The following CAMKMT variants were observed in gnomAD, a reference collection of about 807,000 sequenced individuals.
CAMKMT encodes the protein CaM KMT.
A neutral mutation model predicts 48.0 loss-of-function variants in CAMKMT; 53 were observed. The ratio of observed to expected loss-of-function variants is 1.10; its 90% CI spans 0.89 to 1.39. The LOEUF (loss-of-function observed/expected upper bound fraction) is 1.39, where lower values mean the gene tolerates loss of function less well. Among genes scored for constraint, CAMKMT ranks in the 40% most tolerant of loss-of-function variants. CAMKMT has a pLI of 0.00. For synonymous variants in CAMKMT, 165 were observed against 152.3 expected (o/e 1.08, Z -0.61); for missense variants, 428 against 402.7 (o/e 1.06, Z -0.54).
At chr2:44,698,577 T>C (rs946048357) in intron 3 of CAMKMT, among the ~76,000 whole-genome samples, 2 of 152,234 alleles carry the variant, frequency 1.3e-5, no homozygotes, top group African/African-American at 4.8e-5. Flanking sequence ...ACTTTATTGC[T>C]AAAAAATACT....
intron 3 of CAMKMT, among the ~76,000 whole-genome samples, chr2:44,545,515 A>C (rs17032347): frequency 6.6e-6 from 1 of 151,998 alleles, no homozygotes; most frequent in Non-Finnish European, 1.5e-5. Context: ...CCTTTCTCAG[A>C]GCTAGTACAC....
intron 3 of CAMKMT, among the ~76,000 whole-genome samples, chr2:44,448,916 A>G (rs1006802239): frequency 1.3e-5 from 2 of 152,230 alleles, no homozygotes; most frequent in Admixed American, 6.5e-5. Context: ...GATAGCATTT[A>G]TATGAACGGT....
chr2:44,630,433 A>C (rs375877514), intron 3 of CAMKMT, among the ~76,000 whole-genome samples: 1 of 150,104 alleles, frequency 6.7e-6, no homozygotes, highest in African/African-American at 2.4e-5. Flanking sequence ...GCACAGCAAA[A>C]GAAACTACCA....
chr2:44,405,344 A>G (rs1430357990), intron 3 of CAMKMT, among the ~76,000 whole-genome samples: 2 of 152,116 alleles, frequency 1.3e-5, no homozygotes, highest in Non-Finnish European at 2.9e-5. Flanking sequence ...TAGTGTGTCC[A>G]TACAATATTA....
intron 3 of CAMKMT, among the ~76,000 whole-genome samples, chr2:44,641,297 C>T (rs1189149616): frequency 6.6e-5 from 10 of 152,058 alleles, no homozygotes; most frequent in African/African-American, 2.4e-4. Flanking sequence ...TTCTAATGTA[C>T]ATCTTTTTAA....
At chr2:44,756,469 C>G (rs1270951497) in intron 9 of CAMKMT, among the ~76,000 whole-genome samples, 1 of 152,040 alleles carries the variant, frequency 6.6e-6, no homozygotes, top group Non-Finnish European at 1.5e-5. Flanking sequence ...TGGCCGGGCA[C>G]AGTGGCTCAC....
chr2:44,505,525 C>A (rs1269962797), intron 3 of CAMKMT, among the ~76,000 whole-genome samples: 1 of 152,158 alleles, frequency 6.6e-6, no homozygotes, highest in African/African-American at 2.4e-5. Flanking sequence ...TTATGTTTTA[C>A]ATTAAGTCTG....
intron 1 of CAMKMT, among the ~76,000 whole-genome samples, chr2:44,371,634 TA>T (rs1312153287): frequency 2.0e-5 from 3 of 152,238 alleles, no homozygotes; most frequent in Non-Finnish European, 4.4e-5. Flanking sequence ...CAGGTACTGA[TA>T]AGCTTCAACA....
At chr2:44,472,973 G>T (rs1668500846) in intron 3 of CAMKMT, among the ~76,000 whole-genome samples, 1 of 152,142 alleles carries the variant, frequency 6.6e-6, no homozygotes, top group Admixed American at 6.5e-5. Flanking sequence ...CCAGCGTGAG[G>T]AATAAACCGG....
At chr2:44,690,847 G>A (rs1372508159) in intron 3 of CAMKMT, among the ~76,000 whole-genome samples, 5 of 151,960 alleles carry the variant, frequency 3.3e-5, no homozygotes, top group African/African-American at 1.2e-4. Flanking sequence ...GTGGTGGTGT[G>A]TGCCTGTAAT....
chr2:44,548,211 G>A (rs542366853), intron 3 of CAMKMT, among the ~76,000 whole-genome samples: 9 of 152,114 alleles, frequency 5.9e-5, no homozygotes, highest in East Asian at 1.9e-4. Context: ...CAACCAGCTC[G>A]AAGTCCCCTC....
intron 3 of CAMKMT, among the ~76,000 whole-genome samples, chr2:44,594,894 A>G (rs927524817): frequency 7.2e-5 from 11 of 152,202 alleles, no homozygotes; most frequent in Admixed American, 3.9e-4. Flanking sequence ...AATGGGAGAA[A>G]ACTTTTGCAA....
At position 44,445,645 on chromosome 2, in the gene CAMKMT, GTTTTTTTTTTTTTTTTTTT is replaced by G. The variant is rs869258613; in HGVS notation, c.376+55370_376+55388del. ...AGTCCAACATGTCGGCAAAAGGGTA[GTTTTTTTTTTTTTTTTTTT>G]TTTTTTTTTTTTTTTTTTTTTTTTT... On this transcript the variant is annotated intron_variant, in intron 3 of 10. Transcript: ENST00000378494. Among the ~76,000 whole-genome samples the G allele has an allele frequency of 9.7e-4, 98 of 101,402 alleles. 3 individuals are homozygous for G. Among genetic ancestry groups the G allele is most frequent in the Admixed American group, 3.8e-3 (37 of 9,846 alleles). 66.5% of individuals were successfully genotyped at this position (101,402 alleles called of 152,430 possible).
chr2:44,486,723 C>T (rs967860698), intron 3 of CAMKMT, among the ~76,000 whole-genome samples: 8 of 152,186 alleles, frequency 5.3e-5, no homozygotes, highest in African/African-American at 1.9e-4. Context: ...AGAAAGCCTT[C>T]CCAGGCCCAT....
chr2:44,550,524 A>G (rs1344622484), intron 3 of CAMKMT: 1 of 152,230 alleles, frequency 6.6e-6, no homozygotes, highest in African/African-American at 2.4e-5. Flanking sequence ...AATTTCTACT[A>G]GTATAGAATT....
At chr2:44,524,963 C>CT (rs1671322539) in intron 3 of CAMKMT, among the ~76,000 whole-genome samples, 3 of 97,006 alleles carry the variant, frequency 3.1e-5, no homozygotes, top group African/African-American at 7.3e-5. Context: ...GTGCAAATTT[C>CT]ATAAAAAAAA....
intron 3 of CAMKMT, among the ~76,000 whole-genome samples, chr2:44,695,918 A>G (rs1021305664): frequency 6.6e-6 from 1 of 151,760 alleles, no homozygotes. Context: ...AAAAAAAAAA[A>G]GACTAAAAAT....
At chr2:44,769,645 G>A (rs904246208) in intron 10 of CAMKMT, among the ~76,000 whole-genome samples, 20 of 151,380 alleles carry the variant, frequency 1.3e-4, no homozygotes, top group African/African-American at 3.7e-4. Flanking sequence ...TTTACATGCC[G>A]TGGGTTTTTT....
chr2:44,614,573 G>C (rs890066961), intron 3 of CAMKMT, among the ~76,000 whole-genome samples: 2 of 152,090 alleles, frequency 1.3e-5, no homozygotes, highest in Admixed American at 1.3e-4. Flanking sequence ...AAAATATAGA[G>C]TATAACAGAT....
Sources: allele counts gnomAD v4.1 joint callset (sites outside exome capture counted in the v4.1 genomes callset), GRCh38; gene constraint gnomAD v4.1.1; transcripts MANE v1.5; gene names NCBI Gene and HGNC (gene_info 2026-07-23, HGNC 2026-07-21).